The following LSM11 variants were observed in gnomAD, a reference collection of about 807,000 sequenced individuals.
LSM11 encodes U7 snRNA-associated Sm-like protein LSm11.
LSM11 carries 14 observed loss-of-function variants against 28.1 expected under a neutral mutation model. The ratio of observed to expected loss-of-function variants is 0.50; its 90% CI spans 0.33 to 0.78. The LOEUF is 0.78. Among genes scored for constraint, LSM11 ranks in the 30% least tolerant of loss-of-function variants. The pLI, the probability that LSM11 is intolerant of heterozygous loss-of-function variation, is 0.02. For missense variants in LSM11, 495 were observed against 510.6 expected (o/e 0.97, Z 0.30); for synonymous variants, 207 against 214.2 (o/e 0.97, Z 0.30).
intron 1 of LSM11, among the ~76,000 whole-genome samples, chr5:157,749,365 T>C (rs1018335449): frequency 6.6e-6 from 1 of 152,192 alleles, no homozygotes; most frequent in African/African-American, 2.4e-5. Flanking sequence ...AATGCAAGCA[T>C]GTGATCAGTT....
chr5:157,745,570 TA>T (rs1761134884), intron 1 of LSM11, among the ~76,000 whole-genome samples: 1 of 152,232 alleles, frequency 6.6e-6, no homozygotes, highest in Admixed American at 6.5e-5. Context: ...ATTTCTATTT[TA>T]CCAGTTATTG....
At chr5:157,745,845 G>A (rs1186039057) in intron 1 of LSM11, among the ~76,000 whole-genome samples, 1 of 152,170 alleles carries the variant, frequency 6.6e-6, no homozygotes, top group East Asian at 1.9e-4. Flanking sequence ...CAGAGTTGAT[G>A]ACCTTCAGAA....
rs1231994533 is a variant in LSM11, at chr5:157,758,579, G to A, written c.*3315G>A. The A allele has an allele frequency of 2.6e-5, 4 of 152,132 alleles. No homozygotes were observed. The highest frequency in any genetic ancestry group is 6.6e-5 in the Admixed American group (1 of 15,258). The allele number at this position is 152,132 out of a possible 1,614,324, so 9.4% of individuals were successfully genotyped here. ...AAATGAGGAACATAATGATAGAGTC[G>A]GGGAACTCCCACTAGCTCACCTGAG... On this transcript the variant is annotated 3_prime_UTR_variant, in exon 4 of 4. Transcript: ENST00000286307.
intron 3 of LSM11, among the ~76,000 whole-genome samples, chr5:157,754,573 T>G (rs1313120476): frequency 1.3e-5 from 2 of 151,488 alleles, no homozygotes; most frequent in Non-Finnish European, 2.9e-5. Flanking sequence ...GCGCCTGTAG[T>G]CCTAGCTACT....
At chr5:157,751,265 C>T in intron 1 of LSM11, 125 bp from the exon 2 acceptor site, 1 of 1,084,904 alleles carries the variant, frequency 9.2e-7, no homozygotes, top group African/African-American at 1.6e-5. Context: ...CCTTCCTGTT[C>T]CAATAGTGAG....
intron 1 of LSM11, among the ~76,000 whole-genome samples, chr5:157,750,093 AAG>A (rs958335995): frequency 6.6e-6 from 1 of 151,896 alleles, no homozygotes; most frequent in African/African-American, 2.4e-5. Context: ...ACGCACGAGA[AAG>A]AGAGAGAGAT....
At chr5:157,752,162 CTTT>C (rs3045954) in intron 2 of LSM11, among the ~76,000 whole-genome samples, 8 of 140,062 alleles carry the variant, frequency 5.7e-5, no homozygotes, top group Middle Eastern at 3.3e-3. Context: ...TGCATGATGT[CTTT>C]TTTTTTTTTT....
chr5:157,755,075 AG>A lies in LSM11; in HGVS notation c.897del (p.Arg300GlyfsTer44). On this transcript the variant is annotated frameshift_variant, in exon 4 of 4. Coordinates refer to ENST00000286307, the MANE Select transcript of LSM11 (RefSeq NM_173491.4). LOFTEE classifies it high-confidence loss of function. ...GGGAGGAGTCCAGGTCAGAGCTGTC[AG>A]GGAGGACTACACGGACAGACGGCTC... Reference protein sequence around the residue: ...AREESRSELSGRTTRTDGSSV... With the variant: ...AREESRSELSXRTTRTDGSSV... The A allele has an allele frequency of 6.2e-7, 1 of 1,614,140 alleles. No individual in the cohort carries two copies. The highest frequency in any genetic ancestry group is 8.5e-7 in the Non-Finnish European group (1 of 1,180,028).
chr5:157,749,859 T>G (rs933077255), intron 1 of LSM11, among the ~76,000 whole-genome samples: 3 of 152,172 alleles, frequency 2.0e-5, no homozygotes, highest in Non-Finnish European at 2.9e-5. Flanking sequence ...AGCCAATCCA[T>G]GACAGAGGGA....
Position 157,756,000 on chromosome 5 carries a change from C to G in LSM11, c.*736C>G. On this transcript the variant is annotated 3_prime_UTR_variant, in exon 4 of 4. Transcript: ENST00000286307. ...AGATGCTTGTGTGGTGGCTTCTTGT[C>G]CTTCTCTTTGACTTCTGTGGCATGG... 2 of 293,078 alleles carry G rather than the reference C, an allele frequency of 6.8e-6. No homozygotes were observed. Among genetic ancestry groups the G allele is most frequent in the Non-Finnish European group, 1.2e-5 (2 of 160,196 alleles). The allele number at this position is 293,078 out of a possible 1,614,324, so 18.2% of individuals were successfully genotyped here. A position where few individuals can be genotyped will look rare whatever the true frequency, so the allele number is the denominator to read the frequency against.
Position 157,753,998 on chromosome 5 carries a change from C to T in LSM11, c.589-6C>T. On this transcript the variant is annotated splice_polypyrimidine_tract_variant and splice_region_variant and intron_variant, in intron 2 of 3. Coordinates refer to ENST00000286307, the MANE Select transcript of LSM11 (RefSeq NM_173491.4). Reference sequence around the variant, plus strand: ...TAATGTTTTTCCTTTTGGGCTGTTCCTCTAGGCACTTACTGATGTGGATGA... The same window carrying T: ...TAATGTTTTTCCTTTTGGGCTGTTCTTCTAGGCACTTACTGATGTGGATGA... 2.0e-6 allele frequency: 3 copies of T among 1,524,190 alleles called. No individual in the cohort carries two copies. Among genetic ancestry groups the T allele is most frequent in the South Asian group, 2.6e-5 (2 of 76,280 alleles). The allele number at this position is 1,524,190 out of a possible 1,614,324, so 94.4% of individuals were successfully genotyped here.
Position 157,754,856 on chromosome 5 carries a change from A to G in LSM11, c.675A>G (p.Leu225=), listed in dbSNP as rs370509120. The change falls in exon 4 of 4, where the codon CTA becomes CTG. Residue 225 remains leucine, a splice_region_variant and synonymous_variant. Transcript: ENST00000286307. ...ATTTATCATTGTTTGCTTTATAGCT[A>G]TTTGATCGGCTGAAACTTCAAGATT... ...ERDSSLTLTR[L]FDRLKLQDSS... 736 of 1,612,326 alleles carry G rather than the reference A, an allele frequency of 4.6e-4. No individual in the cohort carries two copies. The highest frequency in any genetic ancestry group is 6.0e-4 in the Non-Finnish European group (710 of 1,178,986).
rs745446859 is a variant in LSM11, at chr5:157,751,513, A to G, written c.572A>G (p.Asp191Gly). 4 of 1,612,474 alleles carry G rather than the reference A, an allele frequency of 2.5e-6. No homozygotes were observed. In the South Asian group the frequency reaches 4.4e-5, roughly 18 times the overall value. ...GVCTGFLVAF[D>G]KFWNMALTDV... ...TGTACAGGCTTCCTTGTTGCATTCG[A>G]CAAGTTCTGGAATATGGTAATTAAG... Residue 191 changes from aspartate to glycine, a missense_variant, in exon 2 of 4, where the codon GAC becomes GGC. Asp to Gly is a moderately conservative substitution (Grantham distance 94, BLOSUM62 -1). Transcript: ENST00000286307.
At chr5:157,751,659 C>A in intron 2 of LSM11, 130 bp downstream of exon 2, 2 of 1,083,204 alleles carry the variant, frequency 1.8e-6, no homozygotes, top group Non-Finnish European at 2.7e-6. Context: ...AGAATTTTTG[C>A]ATACTTTTGG....
rs1245496128 is a variant in LSM11, at chr5:157,758,735, T to G, written c.*3471T>G. The stretch of plus-strand genomic sequence containing the variant: ...AGTTTTTATTTTTGAACATTCAACT[T>G]TGGTTCTTCAAAGTAATCTTTAAAC... On this transcript the variant is annotated 3_prime_UTR_variant, in exon 4 of 4. Transcript: ENST00000286307. 2 of 152,214 alleles carry G rather than the reference T, an allele frequency of 1.3e-5. No individual in the cohort carries two copies. Among genetic ancestry groups the G allele is most frequent in the Non-Finnish European group, 2.9e-5 (2 of 68,042 alleles). The allele number at this position is 152,214 out of a possible 1,614,324, so 9.4% of individuals were successfully genotyped here.
At chr5:157,750,404 C>T (rs759352918) in intron 1 of LSM11, among the ~76,000 whole-genome samples, 2 of 152,200 alleles carry the variant, frequency 1.3e-5, no homozygotes, top group Non-Finnish European at 2.9e-5. Flanking sequence ...AATTTATAGT[C>T]TCAATATTCT....
Position 157,743,724 on chromosome 5 carries a change from C to T in LSM11, c.-27C>T, listed in dbSNP as rs1320762193. ...TGGCGGCTTCGTTCCTTCTTCCCATCGGCCTCGGCTTGCGGGCCTTTCAAA... is the reference window on the plus strand; with the variant it reads ...TGGCGGCTTCGTTCCTTCTTCCCATTGGCCTCGGCTTGCGGGCCTTTCAAA... On this transcript the variant is annotated 5_prime_UTR_variant, in exon 1 of 4. Coordinates refer to ENST00000286307, the MANE Select transcript of LSM11 (RefSeq NM_173491.4). 6.8e-6 allele frequency: 9 copies of T among 1,316,588 alleles called. No homozygotes were observed. The highest frequency in any genetic ancestry group is 3.1e-5 in the African/African-American group (2 of 64,838). 81.6% of individuals were successfully genotyped at this position (1,316,588 alleles called of 1,614,324 possible).
Position 157,754,029 on chromosome 5 carries a change from A to G in LSM11, c.614A>G (p.Tyr205Cys). 2 of 1,580,264 alleles carry G rather than the reference A, an allele frequency of 1.3e-6. No homozygotes were observed. The highest frequency in any genetic ancestry group is 1.2e-5 in the South Asian group (1 of 85,292). ...GCACTTACTGATGTGGATGAGACCTACCGAAAACCTGTCCTAGGCAAAGCA... is the reference window on the plus strand; with the variant it reads ...GCACTTACTGATGTGGATGAGACCTGCCGAAAACCTGTCCTAGGCAAAGCA... ...NMALTDVDET[Y>C]RKPVLGKAYE... Residue 205 changes from tyrosine (Y) to cysteine (C), a missense_variant, in exon 3 of 4, where the codon TAC becomes TGC. Tyr to Cys is a radical substitution (Grantham distance 194, BLOSUM62 -2). Transcript: ENST00000286307.
chr5:157,752,930 C>T (rs1761262134), intron 2 of LSM11, among the ~76,000 whole-genome samples: 1 of 151,886 alleles, frequency 6.6e-6, no homozygotes. Flanking sequence ...TTCCTTTTCC[C>T]TGTGCTTTAT....
Sources: gnomAD v4.1 joint callset for allele counts (sites outside exome capture counted in the v4.1 genomes callset) on GRCh38, gnomAD v4.1.1 for gene constraint, MANE v1.5 for transcripts, NCBI Gene and HGNC (gene_info 2026-07-23, HGNC 2026-07-21) for gene names.